CDH11: variants seen among roughly 807,000 people sequenced by gnomAD.
CDH11 encodes the protein cadherin 11.
CDH11 carries 11 observed loss-of-function variants against 67.8 expected under a neutral mutation model. The ratio of observed to expected loss-of-function variants is 0.16; its 90% CI spans 0.10 to 0.27. The LOEUF is 0.27. CDH11 is among the 10% of genes least tolerant of loss of function. The pLI, the probability that CDH11 is intolerant of heterozygous loss-of-function variation, is 1.00. For missense variants in CDH11, 847 were observed against 1,031.2 expected (o/e 0.82, Z 2.45); for synonymous variants, 419 against 400.0 (o/e 1.05, Z -0.57).
At chr16:64,998,146 C>T (rs1176993779) in intron 4 of CDH11, among the ~76,000 whole-genome samples, 1 of 152,178 alleles carries the variant, frequency 6.6e-6, no homozygotes, top group Non-Finnish European at 1.5e-5. Context: ...TTTAATAGCT[C>T]AAATGTCCCT....
chr16:64,946,028 C>G lies in CDH11; in HGVS notation c.*1575G>C, dbSNP rs2142359414. 9.4e-7 allele frequency: 1 copy of G among 1,058,820 alleles called. No homozygotes were observed. The highest frequency in any genetic ancestry group is 5.4e-5 in the Admixed American group (1 of 18,516). 65.6% of individuals were successfully genotyped at this position (1,058,820 alleles called of 1,614,324 possible). A position where few individuals can be genotyped will look rare whatever the true frequency, so the allele number is the denominator to read the frequency against. ...CACATAAGTTTCAATCCCCAAGAAA[C>G]TAGCTGGAATGCAGGGGACTGTAGA... On this transcript the variant is annotated 3_prime_UTR_variant, in exon 13 of 13. Transcript: ENST00000268603.
At position 65,088,138 on chromosome 16, in the gene CDH11, G is replaced by A. The variant is rs187750023; in HGVS notation, c.-298+33742C>T. 3.3e-3 allele frequency among the ~76,000 whole-genome samples: 501 copies of A among 152,192 alleles called. 6 individuals carry two copies. Among genetic ancestry groups the A allele is most frequent in the Non-Finnish European group, 3.0e-3 (204 of 68,010 alleles). On this transcript the variant is annotated intron_variant, in intron 1 of 12. Transcript: ENST00000268603. Reference sequence around the variant, plus strand: ...GCGTCCTTACAAACGAAGCTTCAGGGAGCCCCCTTGCCCCTTCAGCCACAT... The same window carrying A: ...GCGTCCTTACAAACGAAGCTTCAGGAAGCCCCCTTGCCCCTTCAGCCACAT...
chr16:64,965,525 G>A (rs1013056763), intron 11 of CDH11, among the ~76,000 whole-genome samples: 5 of 152,096 alleles, frequency 3.3e-5, no homozygotes, highest in African/African-American at 1.2e-4. Flanking sequence ...TAACACACAT[G>A]GAGCTGTTGT....
chr16:65,081,000 T>C (rs941309305), intron 1 of CDH11, among the ~76,000 whole-genome samples: 3 of 152,356 alleles, frequency 2.0e-5, no homozygotes, highest in South Asian at 4.1e-4. Context: ...TTGTATTTTA[T>C]TGTATCATAC....
In CDH11 at chr16:65,026,239, C is replaced by T. The variant is rs182919476; in HGVS notation, c.-172-21198G>A. Among the ~76,000 whole-genome samples, 112 of 152,264 alleles carry T rather than the reference C, an allele frequency of 7.4e-4. 2 individuals carry two copies. Among genetic ancestry groups the T allele is most frequent in the Admixed American group, 7.3e-3 (112 of 15,290 alleles). ...GACAGACACTGTGCTACATGCTTTG[C>T]ATACATTTTCAGAAAAAAATTTTCT... On this transcript the variant is annotated intron_variant, in intron 2 of 12. Coordinates refer to ENST00000268603, the MANE Select transcript of CDH11 (RefSeq NM_001797.4).
intron 7 of CDH11, chr16:64,982,611 G>A (rs945380366): frequency 1.2e-5 from 3 of 244,716 alleles, no homozygotes; most frequent in African/African-American, 4.5e-5. Context: ...CCTAAGGAAG[G>A]GAATTAAAAC....
At chr16:65,100,422 T>C (rs2074970614) in intron 1 of CDH11, among the ~76,000 whole-genome samples, 1 of 152,046 alleles carries the variant, frequency 6.6e-6, no homozygotes, top group Non-Finnish European at 1.5e-5. Flanking sequence ...AAAAAATTCC[T>C]TTTTCAGAAA....
chr16:65,116,045 C>T (rs915513366), intron 1 of CDH11, among the ~76,000 whole-genome samples: 2 of 152,200 alleles, frequency 1.3e-5, no homozygotes, highest in Admixed American at 1.3e-4. Context: ...GACTTACTCT[C>T]TTCACCCTCA....
chr16:65,085,906 C>A (rs568919868), intron 1 of CDH11, among the ~76,000 whole-genome samples: 2 of 152,290 alleles, frequency 1.3e-5, no homozygotes, highest in South Asian at 4.1e-4. Flanking sequence ...GTAATTCTCC[C>A]AGATATTCTT....
intron 7 of CDH11, chr16:64,987,550 A>G (rs1274629623): frequency 1.5e-5 from 2 of 135,252 alleles, no homozygotes; most frequent in African/African-American, 3.5e-5. Flanking sequence ...GAGCGCATGT[A>G]AAAAAGAAGA....
chr16:65,068,773 T>C (rs1255004716), intron 1 of CDH11, among the ~76,000 whole-genome samples: 1 of 152,246 alleles, frequency 6.6e-6, no homozygotes, highest in Non-Finnish European at 1.5e-5. Context: ...CTTTAATTTC[T>C]TATTGATGTT....
At position 64,991,823 on chromosome 16, in the gene CDH11, G is replaced by T. The variant is rs1317993507; in HGVS notation, c.756C>A (p.Thr252=). 1 of 1,613,894 alleles carries T rather than the reference G, an allele frequency of 6.2e-7. No individual in the cohort carries two copies. The highest frequency in any genetic ancestry group is 1.1e-5 in the South Asian group (1 of 91,068). Residue 252 remains threonine, a synonymous_variant, in exon 6 of 13, where the codon ACC becomes ACA. Transcript: ENST00000268603. ...GGHMGGLSGT[T]KVTITLTDVN... ...CATCGGTCAGTGTGATCGTCACTTT[G>T]GTTGTCCCTGAGAGTCCGCCCATAT... is the stretch of plus-strand genomic sequence containing the variant.
chr16:65,051,463 C>A (rs996097019), intron 2 of CDH11, among the ~76,000 whole-genome samples: 1 of 141,022 alleles, frequency 7.1e-6, no homozygotes, highest in Non-Finnish European at 1.6e-5. Context: ...AGTGGTAAGA[C>A]ACAAACTCTA....
intron 1 of CDH11, among the ~76,000 whole-genome samples, chr16:65,072,675 T>C (rs151124105): frequency 5.2e-4 from 79 of 152,354 alleles, no homozygotes; most frequent in African/African-American, 1.7e-3. Flanking sequence ...TACTTGTATA[T>C]TGAAGAAAAG....
chr16:64,999,976 A>T (rs1006309825), intron 3 of CDH11, among the ~76,000 whole-genome samples: 1 of 152,190 alleles, frequency 6.6e-6, no homozygotes, highest in Non-Finnish European at 1.5e-5. Context: ...GGGTATGAGG[A>T]TCTGGGGATG....
At chr16:64,962,061 T>C (rs940070983) in intron 11 of CDH11, among the ~76,000 whole-genome samples, 12 of 152,146 alleles carry the variant, frequency 7.9e-5, no homozygotes, top group African/African-American at 2.9e-4. Context: ...TGTAAATCTA[T>C]GCAATTAGAT....
In CDH11 at chr16:64,946,166, C is replaced by T. The variant is rs2071192995; in HGVS notation, c.*1437G>A. On this transcript the variant is annotated 3_prime_UTR_variant, in exon 13 of 13. Coordinates refer to ENST00000268603, the MANE Select transcript of CDH11 (RefSeq NM_001797.4). ...AACAAAGCTTTTTTAAATGAATCGC[C>T]CATTCTCATTAAAACATAAAATGCC... The T allele has an allele frequency of 1.9e-6, 2 of 1,052,842 alleles. No homozygotes were observed. The highest frequency in any genetic ancestry group is 1.1e-6 in the Non-Finnish European group (1 of 871,594). 65.2% of individuals were successfully genotyped at this position (1,052,842 alleles called of 1,614,324 possible).
At chr16:65,059,307 C>T (rs1254770472) in intron 1 of CDH11, among the ~76,000 whole-genome samples, 1 of 152,152 alleles carries the variant, frequency 6.6e-6, no homozygotes, top group Admixed American at 6.5e-5. Context: ...AAGAAGACAT[C>T]CATAAAGAGT....
At chr16:65,075,536 A>G (rs1428170149) in intron 1 of CDH11, among the ~76,000 whole-genome samples, 1 of 152,204 alleles carries the variant, frequency 6.6e-6, no homozygotes, top group Non-Finnish European at 1.5e-5. Flanking sequence ...CCCTTCTTCC[A>G]TTAGGGATTT....
Sources: allele counts gnomAD v4.1 joint callset (sites outside exome capture counted in the v4.1 genomes callset), GRCh38; gene constraint gnomAD v4.1.1; transcripts MANE v1.5; gene names NCBI Gene and HGNC (gene_info 2026-07-23, HGNC 2026-07-21).